Variants in TET3 observed in about 807,000 individuals in gnomAD.
TET3 encodes methylcytosine dioxygenase TET3.
A neutral mutation model predicts 141.4 loss-of-function variants in TET3; 19 were observed. The observed-to-expected ratio is 0.13, with a 90% CI of 0.09 to 0.20. The LOEUF (loss-of-function observed/expected upper bound fraction) is 0.20. Ranked by LOEUF, TET3 falls within the 10% of genes least tolerant of loss-of-function variation. The probability of loss-of-function intolerance (pLI) is 1.00; values close to 1 mark genes in which losing one functional copy is unlikely to be tolerated. For missense variants in TET3, 1,874 were observed against 2,356.9 expected (o/e 0.80, Z 4.24); for synonymous variants, 1,043 against 980.9 (o/e 1.06, Z -1.18).
intron 3 of TET3, among the ~76,000 whole-genome samples, chr2:74,011,573 A>G (rs1280751727): frequency 2.6e-5 from 4 of 152,164 alleles, no homozygotes; most frequent in Admixed American, 1.3e-4. Flanking sequence ...GCACCCTTCC[A>G]GCTCCTCCCC....
chr2:74,030,347 A>G (rs1428964478), intron 3 of TET3, among the ~76,000 whole-genome samples: 1 of 152,056 alleles, frequency 6.6e-6, no homozygotes, highest in East Asian at 1.9e-4. Context: ...TATTCTTCCT[A>G]TTTCATCTAG....
chr2:74,066,000 G>T (rs940368294), intron 4 of TET3, among the ~76,000 whole-genome samples: 1 of 152,052 alleles, frequency 6.6e-6, no homozygotes, highest in Non-Finnish European at 1.5e-5. Context: ...CTCGTGATCC[G>T]CCTGCCTTGG....
intron 10 of TET3, among the ~76,000 whole-genome samples, chr2:74,094,419 T>C (rs1179393070): frequency 6.6e-6 from 1 of 152,024 alleles, no homozygotes; most frequent in African/African-American, 2.4e-5. Context: ...CAGGGAGCCT[T>C]GAGGGCCAGG....
chr2:73,996,634 A>G (rs2105109993), intron 2 of TET3, among the ~76,000 whole-genome samples: 1 of 152,200 alleles, frequency 6.6e-6, no homozygotes, highest in Admixed American at 6.5e-5. Context: ...TAGCCTCCTG[A>G]GTAGCTGGGA....
chr2:74,054,357 T>C (rs1238899636), intron 4 of TET3, among the ~76,000 whole-genome samples: 1 of 152,020 alleles, frequency 6.6e-6, no homozygotes, highest in African/African-American at 2.4e-5. Flanking sequence ...ACTGGTTGGA[T>C]GTAGGAGTAA....
At chr2:74,091,720 T>C (rs1690507066) in intron 8 of TET3, among the ~76,000 whole-genome samples, 1 of 152,242 alleles carries the variant, frequency 6.6e-6, no homozygotes, top group South Asian at 2.1e-4. Flanking sequence ...CTTTTTCTCT[T>C]TCCTCTCTTC....
chr2:74,099,447 C>T lies in TET3; in HGVS notation c.3439C>T (p.Arg1147Cys), dbSNP rs778338957. The change falls in exon 11 of 12, where the codon CGC becomes TGC. Residue 1147 changes from arginine (R) to cysteine (C), a missense_variant. This residue lies in a region of TET3 where 53 missense variants were observed against 112.8 expected (regional missense o/e 0.47). Transcript: ENST00000409262. ...GAIQVLTAFP[R>C]EVRRLPEPAK... ...CATCCAGGTGCTCACCGCCTTCCCC[C>T]GCGAGGTCCGACGCCTGCCCGAGCC... 3 of 1,613,914 alleles carry T rather than the reference C, an allele frequency of 1.9e-6. No homozygotes were observed. The highest frequency in any genetic ancestry group is 2.5e-6 in the Non-Finnish European group (3 of 1,179,880).
At chr2:73,994,349 T>C (rs778298530) in intron 2 of TET3, among the ~76,000 whole-genome samples, 2 of 151,760 alleles carry the variant, frequency 1.3e-5, no homozygotes, top group African/African-American at 4.8e-5. Context: ...CTGGAGGGAG[T>C]ATGCAGGAGT....
At chr2:73,988,562 G>T (rs962594812) in intron 2 of TET3, among the ~76,000 whole-genome samples, 2 of 152,164 alleles carry the variant, frequency 1.3e-5, no homozygotes, top group Non-Finnish European at 2.9e-5. Flanking sequence ...TCTTGGTTAA[G>T]ATATCATGGA....
intron 3 of TET3, among the ~76,000 whole-genome samples, chr2:74,008,729 T>C (rs1685271885): frequency 6.6e-6 from 1 of 152,170 alleles, no homozygotes; most frequent in Middle Eastern, 3.4e-3. Flanking sequence ...TTTCTTCTAT[T>C]CTGGCTGCCT....
chr2:74,034,336 A>G (rs1237596711), intron 3 of TET3, among the ~76,000 whole-genome samples: 1 of 151,884 alleles, frequency 6.6e-6, no homozygotes, highest in African/African-American at 2.4e-5. Flanking sequence ...AACACATGCC[A>G]GTTCCCCAAG....
intron 4 of TET3, among the ~76,000 whole-genome samples, chr2:74,063,084 A>T (rs1032379549): frequency 6.6e-6 from 1 of 151,868 alleles, no homozygotes. Flanking sequence ...AGGTTTCACC[A>T]TGTTGACCAG....
At chr2:74,091,923 C>G (rs1471912769) in intron 8 of TET3, among the ~76,000 whole-genome samples, 1 of 152,170 alleles carries the variant, frequency 6.6e-6, no homozygotes, top group Non-Finnish European at 1.5e-5. Flanking sequence ...TGGAAACATT[C>G]TCTGCTGTCC....
In TET3 at chr2:74,102,155, C is replaced by T. The variant is rs775933547; in HGVS notation, c.5367C>T (p.Gly1789=). 33 of 1,455,816 alleles carry T rather than the reference C, an allele frequency of 2.3e-5. No individual in the cohort carries two copies. Among genetic ancestry groups the T allele is most frequent in the Admixed American group, 1.4e-4 (5 of 36,308 alleles). 90.2% of individuals were successfully genotyped at this position (1,455,816 alleles called of 1,614,324 possible). A position where few individuals can be genotyped will look rare whatever the true frequency, so the allele number is the denominator to read the frequency against. ...CCTATGCCTACACGAAGGTCACTGGCCCCTACAGCCGCTGGATCTAGGTGC... is the reference window on the plus strand; with the variant it reads ...CCTATGCCTACACGAAGGTCACTGGTCCCTACAGCCGCTGGATCTAGGTGC... The part of the protein sequence containing the change: ...VSSYAYTKVT[G]PYSRWI Residue 1789 remains glycine (G), a synonymous_variant, in exon 12 of 12, where the codon GGC becomes GGT. Coordinates refer to ENST00000409262, the MANE Select transcript of TET3 (RefSeq NM_001287491.2).
chr2:74,113,919 C>T, the TET3 span, among the ~76,000 whole-genome samples: 1 of 151,964 alleles, frequency 6.6e-6, no homozygotes, highest in Non-Finnish European at 1.5e-5. Context: ...TATCAAAATA[C>T]CAATGACATT....
chr2:74,127,657 T>A, the TET3 span, among the ~76,000 whole-genome samples: 1 of 151,892 alleles, frequency 6.6e-6, no homozygotes, highest in Non-Finnish European at 1.5e-5. Context: ...GATTAGCTTT[T>A]AAAATGCCTG....
At position 74,102,075 on chromosome 2, in the gene TET3, G is replaced by A. The variant is rs765661531; in HGVS notation, c.5287G>A (p.Val1763Ile). ...CCAGCAGAAAGAGAAGAAGGGGGTCGTCCCCACCCGGCAGGCACTGGCTGT... is the reference window on the plus strand; with the variant it reads ...CCAGCAGAAAGAGAAGAAGGGGGTCATCCCCACCCGGCAGGCACTGGCTGT... ...EPQQKEKKGV[V>I]PTRQALAVPT... Residue 1763 changes from valine (V) to isoleucine (I), a missense_variant, in exon 12 of 12, where the codon GTC (valine) becomes ATC (isoleucine). Coordinates refer to ENST00000409262, the MANE Select transcript of TET3 (RefSeq NM_001287491.2). 5.4e-5 allele frequency: 81 copies of A among 1,510,468 alleles called. No individual in the cohort carries two copies. Among genetic ancestry groups the A allele is most frequent in the African/African-American group, 2.7e-4 (19 of 71,482 alleles). The allele number at this position is 1,510,468 out of a possible 1,614,324, so 93.6% of individuals were successfully genotyped here.
intron 4 of TET3, among the ~76,000 whole-genome samples, chr2:74,068,110 C>A (rs1421943115): frequency 1.3e-5 from 2 of 151,970 alleles, no homozygotes; most frequent in African/African-American, 4.8e-5. Context: ...GAGTAGACGC[C>A]GTCAGTGGCA....
At chr2:74,080,254 A>G (rs1689733014) in intron 5 of TET3, among the ~76,000 whole-genome samples, 1 of 152,148 alleles carries the variant, frequency 6.6e-6, no homozygotes, top group Admixed American at 6.5e-5. Context: ...TCTGCCTTGG[A>G]TCAGAGGGGG....
Sources: allele counts gnomAD v4.1 joint callset (sites outside exome capture counted in the v4.1 genomes callset), GRCh38; gene constraint gnomAD v4.1.1; regional missense constraint gnomAD v4.1.1; transcripts MANE v1.5; gene names NCBI Gene and HGNC (gene_info 2026-07-23, HGNC 2026-07-21).